CPXM2: variants seen among roughly 807,000 people sequenced by gnomAD.
The protein encoded by CPXM2 is carboxypeptidase X, M14 family member 2.
Under a neutral mutation model 86.1 loss-of-function variants are expected in CPXM2, and 66 were observed. The ratio of observed to expected loss-of-function variants is 0.77; its 90% CI spans 0.63 to 0.94. The LOEUF (loss-of-function observed/expected upper bound fraction) is 0.94. CPXM2 is among the 40% of genes least tolerant of loss of function. The pLI is 0.00. For missense variants in CPXM2, 948 were observed against 1,026.3 expected (o/e 0.92, Z 1.04); for synonymous variants, 388 against 400.2 (o/e 0.97, Z 0.36).
At chr10:123,933,337 A>AAAGT (rs1945684330) in intron 2 of CPXM2, among the ~76,000 whole-genome samples, 3 of 152,174 alleles carry the variant, frequency 2.0e-5, no homozygotes, top group Non-Finnish European at 4.4e-5. Flanking sequence ...TGATCCTTTG[A>AAAGT]CGGCAGTGGG....
intron 2 of CPXM2, among the ~76,000 whole-genome samples, chr10:123,906,705 TCTGGGGCCTTCCAAAGAC>T (rs1945445116): frequency 6.6e-6 from 1 of 152,174 alleles, no homozygotes; most frequent in South Asian, 2.1e-4. Flanking sequence ...CTCCAAAAGA[TCTGGGGCCTTCCAAAGAC>T]AGGAAATCTA....
chr10:123,746,993 A>G lies in CPXM2; in HGVS notation c.2042T>C (p.Leu681Pro), dbSNP rs1234839677. Residue 681 changes from leucine (L) to proline (P), a missense_variant, in exon 14 of 14, where the codon CTC (leucine) becomes CCC (proline). Transcript: ENST00000241305. ...GACCACATACTCTCCAGGGTTCAGGAGGCGCCAGTAATCCCCATCGTTGGC... is the reference window on the plus strand; with the variant it reads ...GACCACATACTCTCCAGGGTTCAGGGGGCGCCAGTAATCCCCATCGTTGGC... ...RTANDGDYWR[L>P]LNPGEYVVTA... The G allele has an allele frequency of 6.2e-7, 1 of 1,614,084 alleles. No individual in the cohort carries two copies. Among genetic ancestry groups the G allele is most frequent in the Admixed American group, 1.7e-5 (1 of 60,002 alleles).
intron 2 of CPXM2, among the ~76,000 whole-genome samples, chr10:123,915,329 G>T (rs529491343): frequency 6.6e-6 from 1 of 152,256 alleles, no homozygotes; most frequent in East Asian, 1.9e-4. Context: ...AGGCTGAGGC[G>T]GGGAGATCAC....
intron 4 of CPXM2, among the ~76,000 whole-genome samples, chr10:123,823,314 G>A (rs1369230148): frequency 6.6e-6 from 1 of 152,184 alleles, no homozygotes; most frequent in African/African-American, 2.4e-5. Flanking sequence ...GAGGCCAGCA[G>A]ACACCAGATG....
chr10:123,891,435 C>A lies in CPXM2; in HGVS notation c.225G>T (p.Glu75Asp), dbSNP rs537271272. 6.4e-7 allele frequency: 1 copy of A among 1,556,670 alleles called. No individual in the cohort carries two copies. ...TGGTGGCCCTCTTGGGCGGCCTGGG[C>A]TCCTGCGGGCGCCGCTCCCACTCCT... The part of the protein sequence containing the change: ...PGEEWERRPQ[E>D]PRPPKRATKP... Residue 75 changes from glutamate (E) to aspartate (D), a missense_variant, in exon 1 of 14, where the codon GAG (glutamate) becomes GAT (aspartate). Coordinates refer to ENST00000241305, the MANE Select transcript of CPXM2 (RefSeq NM_198148.3). The surrounding 1 kb of genome is among the most constrained non-coding windows in gnomAD (Gnocchi z 5.6).
intron 2 of CPXM2, chr10:123,913,570 G>A (rs79583412): frequency 0.02 from 3,248 of 165,918 alleles, 36 homozygotes; most frequent in Non-Finnish European, 0.031. Flanking sequence ...AGGAAGCTAC[G>A]TAATAAAATT....
intron 4 of CPXM2, among the ~76,000 whole-genome samples, chr10:123,813,413 G>T (rs1021116808): frequency 2.0e-5 from 3 of 152,108 alleles, no homozygotes; most frequent in East Asian, 3.8e-4. Context: ...CTATTCTTTG[G>T]TCTTCATCAT....
At chr10:123,820,730 C>T (rs1030648387) in intron 4 of CPXM2, among the ~76,000 whole-genome samples, 25 of 152,312 alleles carry the variant, frequency 1.6e-4, no homozygotes, top group African/African-American at 4.8e-4. Context: ...CACCCACATT[C>T]CCTGGCTGGT....
chr10:123,848,526 T>TA (rs1848541472), intron 3 of CPXM2, among the ~76,000 whole-genome samples: 1 of 152,158 alleles, frequency 6.6e-6, no homozygotes, highest in Admixed American at 6.5e-5. Context: ...CATAAACCAT[T>TA]TATTAACTAT....
At chr10:123,818,400 T>C (rs1458662252) in intron 4 of CPXM2, among the ~76,000 whole-genome samples, 1 of 152,142 alleles carries the variant, frequency 6.6e-6, no homozygotes, top group Non-Finnish European at 1.5e-5. Flanking sequence ...GCCCTCAATA[T>C]GGCACCATTC....
At chr10:123,759,469 G>C (rs1174662148) in intron 11 of CPXM2, among the ~76,000 whole-genome samples, 2 of 152,216 alleles carry the variant, frequency 1.3e-5, no homozygotes, top group Non-Finnish European at 2.9e-5. Context: ...AGGTGGAGAA[G>C]CTTGGGCCAT....
intron 12 of CPXM2, 71 bp downstream of exon 12, chr10:123,757,142 A>C: frequency 7.0e-7 from 1 of 1,429,090 alleles, no homozygotes; most frequent in Non-Finnish European, 9.8e-7. Context: ...TCCATCCCAT[A>C]CTTTCAGCCA....
chr10:123,931,995 T>C (rs115972478), intron 2 of CPXM2, among the ~76,000 whole-genome samples: 2,002 of 152,306 alleles, frequency 0.013, 56 homozygotes, highest in African/African-American at 0.046. Context: ...TAAGTCAGTA[T>C]ACAGAGTATA....
intron 4 of CPXM2, among the ~76,000 whole-genome samples, chr10:123,830,868 C>CTGTGTGTGTG (rs1564788804): frequency 2.0e-5 from 2 of 97,654 alleles, no homozygotes; most frequent in South Asian, 3.6e-4. Context: ...CTCTCTCTCT[C>CTGTGTGTGTG]TCTCTGTGTG....
chr10:123,820,688 C>A (rs144047560), intron 4 of CPXM2, among the ~76,000 whole-genome samples: 64 of 152,328 alleles, frequency 4.2e-4, no homozygotes, highest in African/African-American at 1.5e-3. Flanking sequence ...AGAGGATAAT[C>A]TGTTTCCCTG....
At chr10:123,766,911 A>T (rs918363397) in intron 10 of CPXM2, 62 bp downstream of exon 10, 6 of 1,324,108 alleles carry the variant, frequency 4.5e-6, no homozygotes, top group Non-Finnish European at 5.4e-6. Context: ...TCCTCTGCAA[A>T]TACCAATGGA....
chr10:123,867,169 C>CCACT (rs1944805441), intron 2 of CPXM2, among the ~76,000 whole-genome samples: 1 of 152,142 alleles, frequency 6.6e-6, no homozygotes, highest in South Asian at 2.1e-4. Flanking sequence ...AAGCACAAGC[C>CCACT]CACTATCCCA....
intron 2 of CPXM2, among the ~76,000 whole-genome samples, chr10:123,931,872 G>A (rs75087475): frequency 0.015 from 2,231 of 152,264 alleles, 46 homozygotes; most frequent in African/African-American, 0.05. Flanking sequence ...TGTGCCATGC[G>A]AGGAATGTCA....
intron 4 of CPXM2, among the ~76,000 whole-genome samples, chr10:123,810,329 T>A (rs1847664289): frequency 6.6e-6 from 1 of 152,000 alleles, no homozygotes; most frequent in Non-Finnish European, 1.5e-5. Context: ...CCTCTCTCAA[T>A]TATTATTTTA....
Sources: gnomAD v4.1 joint callset for allele counts (sites outside exome capture counted in the v4.1 genomes callset) on GRCh38, gnomAD v4.1.1 for gene constraint, Gnocchi (gnomAD v3.1) non-coding constraint, MANE v1.5 for transcripts, NCBI Gene and HGNC (gene_info 2026-07-23, HGNC 2026-07-21) for gene names.